The following KCNC1 variants were observed in gnomAD, a reference collection of about 807,000 sequenced individuals.
KCNC1 encodes the protein potassium voltage-gated channel subfamily C member 1.
A neutral mutation model predicts 43.4 loss-of-function variants in KCNC1; 8 were observed. That is an observed-to-expected ratio of 0.18 (90% CI 0.11 to 0.33). The LOEUF (loss-of-function observed/expected upper bound fraction) is 0.33. Among genes scored for constraint, KCNC1 ranks in the 10% least tolerant of loss-of-function variants. KCNC1 has a pLI of 1.00. For missense variants in KCNC1, 420 were observed against 836.0 expected, an observed-to-expected ratio of 0.50 and a Z score of 6.14; for synonymous variants, 361 against 360.5, an observed-to-expected ratio of 1.00 and a Z score of -0.01.
In KCNC1 at chr11:17,777,129, G is replaced by T; in HGVS notation, c.1505-2327G>T. 1 of 984,432 alleles carries T rather than the reference G, an allele frequency of 1.0e-6. No homozygotes were observed. The highest frequency in any genetic ancestry group is 1.2e-6 in the Non-Finnish European group (1 of 829,606). 61.0% of individuals were successfully genotyped at this position (984,432 alleles called of 1,614,324 possible). A position where few individuals can be genotyped will look rare whatever the true frequency, so the allele number is the denominator to read the frequency against. On this transcript the variant is annotated intron_variant, in intron 2 of 3. Transcript: ENST00000265969. This position sits in a 1 kb window ranked among gnomAD's most constrained non-coding sequence, Gnocchi z 4.3. ...TTTGGGCCCTTTAGTGATTGTGAGA[G>T]CTGGGAGCCCCCAGGGCCTGGGGGC... is the stretch of plus-strand genomic sequence containing the variant.
Position 17,735,386 on chromosome 11 carries a change from C to G in KCNC1, c.-617C>G, listed in dbSNP as rs1040723175. The G allele has an allele frequency of 6.6e-6, 1 of 152,006 alleles. No homozygotes were observed. Among genetic ancestry groups the G allele is most frequent in the Non-Finnish European group, 1.5e-5 (1 of 67,958 alleles). 9.4% of individuals were successfully genotyped at this position (152,006 alleles called of 1,614,324 possible). On this transcript the variant is annotated 5_prime_UTR_variant, in exon 1 of 4. Transcript: ENST00000265969. The surrounding 1 kb of genome is among the most constrained non-coding windows in gnomAD (Gnocchi z 6.7). ...CCGCCCTGCGTCCCGAGCTGCAGCC[C>G]GGCCACGCAGGGAGGAAGGCAGGCG...
At chr11:17,763,365 T>C (rs1002369875) in intron 1 of KCNC1, among the ~76,000 whole-genome samples, 2 of 151,780 alleles carry the variant, frequency 1.3e-5, no homozygotes, top group Admixed American at 6.5e-5. Context: ...ATCTCTGGCA[T>C]AGAAAATGGT....
intron 1 of KCNC1, among the ~76,000 whole-genome samples, chr11:17,760,057 T>A (rs1178288134): frequency 6.6e-6 from 1 of 152,218 alleles, no homozygotes; most frequent in Non-Finnish European, 1.5e-5. Context: ...ACGTATTTCT[T>A]ATTCCAATCT....
In KCNC1 at chr11:17,776,873, G is replaced by A. The variant is rs1012195155; in HGVS notation, c.1505-2583G>A. ...AGGGAGAATGCCCCAGTTTCTGAAA[G>A]CATCTTAAACCATAGATAGACGAAC... is the stretch of plus-strand genomic sequence containing the variant. On this transcript the variant is annotated intron_variant, in intron 2 of 3. Transcript: ENST00000265969. This position sits in a 1 kb window ranked among gnomAD's most constrained non-coding sequence, Gnocchi z 4.4. 3.5e-5 allele frequency: 34 copies of A among 985,378 alleles called. No individual in the cohort carries two copies. The African/African-American group carries it at 4.7e-4, about 14-fold the overall frequency. The allele number at this position is 985,378 out of a possible 1,614,324, so 61.0% of individuals were successfully genotyped here.
Position 17,772,276 on chromosome 11 carries a change from C to A in KCNC1, c.1182C>A (p.Ala394=). ...ACATCCCCATCGGCTTCTGGTGGGCCGTGGTCACCATGACGACCCTGGGCT... is the reference window on the plus strand; with the variant it reads ...ACATCCCCATCGGCTTCTGGTGGGCAGTGGTCACCATGACGACCCTGGGCT... ...FKNIPIGFWW[A]VVTMTTLGYG... Residue 394 remains alanine, a synonymous_variant, in exon 2 of 4, where the codon GCC becomes GCA. Transcript: ENST00000265969. The A allele has an allele frequency of 6.2e-7, 1 of 1,614,162 alleles. No individual in the cohort carries two copies. Among genetic ancestry groups the A allele is most frequent in the Non-Finnish European group, 8.5e-7 (1 of 1,180,040 alleles).
intron 2 of KCNC1, chr11:17,775,445 G>T (rs12421233): frequency 1.4e-4 from 134 of 985,618 alleles, no homozygotes; most frequent in Non-Finnish European, 1.5e-4. Flanking sequence ...CTGAGGGCTT[G>T]TCCTGGGAGG....
At position 17,773,204 on chromosome 11, in the gene KCNC1, C is replaced by T. The variant is rs986860657; in HGVS notation, c.1504+606C>T. 14 of 986,246 alleles carry T rather than the reference C, an allele frequency of 1.4e-5. No individual in the cohort carries two copies. In the South Asian group the frequency reaches 1.9e-4, roughly 13 times the overall value. The allele number at this position is 986,246 out of a possible 1,614,324, so 61.1% of individuals were successfully genotyped here. A position where few individuals can be genotyped will look rare whatever the true frequency, so the allele number is the denominator to read the frequency against. ...CCAGCTCGAGGTCCTTCCCAGGAGA[C>T]GCCTGTAGCCCTCCGTGACAAGCTT... On this transcript the variant is annotated intron_variant, in intron 2 of 3. Coordinates refer to ENST00000265969, the MANE Select transcript of KCNC1 (RefSeq NM_001112741.2). The surrounding 1 kb of genome is among the most constrained non-coding windows in gnomAD (Gnocchi z 4.1).
chr11:17,770,214 C>T (rs976296978), intron 1 of KCNC1, among the ~76,000 whole-genome samples: 9 of 152,234 alleles, frequency 5.9e-5, no homozygotes, highest in African/African-American at 9.6e-5. Flanking sequence ...ACACAGGGCG[C>T]GACCTTGGCC....
At position 17,776,643 on chromosome 11, in the gene KCNC1, G is replaced by T; in HGVS notation, c.1505-2813G>T. On this transcript the variant is annotated intron_variant, in intron 2 of 3. Transcript: ENST00000265969. This position sits in a 1 kb window ranked among gnomAD's most constrained non-coding sequence, Gnocchi z 4.4. ...ACTGCAGGCCTGTGGGTCTAGTGGG[G>T]GCCTGGGGGCCCTGGGCTGGGGGAG... is the stretch of plus-strand genomic sequence containing the variant. The T allele has an allele frequency of 1.0e-6, 1 of 985,376 alleles. No homozygotes were observed. The highest frequency in any genetic ancestry group is 1.2e-6 in the Non-Finnish European group (1 of 829,958). The allele number at this position is 985,376 out of a possible 1,614,324, so 61.0% of individuals were successfully genotyped here.
At chr11:17,748,425 A>G (rs774199519) in intron 1 of KCNC1, among the ~76,000 whole-genome samples, 6 of 152,052 alleles carry the variant, frequency 3.9e-5, no homozygotes, top group African/African-American at 7.2e-5. Flanking sequence ...AGATGGAGGA[A>G]TGTACTCTGG....
chr11:17,748,674 C>T (rs2133785947), intron 1 of KCNC1, among the ~76,000 whole-genome samples: 1 of 152,268 alleles, frequency 6.6e-6, no homozygotes, highest in East Asian at 1.9e-4. Context: ...CCCAGAACCC[C>T]ACTGGCTCCT....
intron 1 of KCNC1, among the ~76,000 whole-genome samples, chr11:17,757,117 T>C (rs150922026): frequency 1.4e-4 from 21 of 152,372 alleles, no homozygotes; most frequent in Non-Finnish European, 2.4e-4. Flanking sequence ...CTATTATTAC[T>C]GTATAGCAGA....
chr11:17,759,764 C>T (rs567513124), intron 1 of KCNC1, among the ~76,000 whole-genome samples: 115 of 152,206 alleles, frequency 7.6e-4, no homozygotes, highest in African/African-American at 2.7e-3. Flanking sequence ...TTCCCCAAAA[C>T]AATTACAATA....
rs1484768202 is a variant in KCNC1, at chr11:17,776,196, T to G, written c.1505-3260T>G. The stretch of plus-strand genomic sequence containing the variant: ...GTGTTGTTCACATTTTCTCTCTTTC[T>G]CTCTCTCTCCACTAATCATGTTTCT... On this transcript the variant is annotated intron_variant, in intron 2 of 3. Transcript: ENST00000265969. The surrounding 1 kb of genome is among the most constrained non-coding windows in gnomAD (Gnocchi z 4.4). The G allele has an allele frequency of 1.0e-6, 1 of 985,300 alleles. No homozygotes were observed. The highest frequency in any genetic ancestry group is 1.2e-6 in the Non-Finnish European group (1 of 829,928). 61.0% of individuals were successfully genotyped at this position (985,300 alleles called of 1,614,324 possible).
rs1201851058 is a variant in KCNC1 at position 17,773,246 on chromosome 11, G to GACAAGTTA, written c.1504+648_1504+649insACAAGTTA. On this transcript the variant is annotated intron_variant, in intron 2 of 3. Transcript: ENST00000265969. This position sits in a 1 kb window ranked among gnomAD's most constrained non-coding sequence, Gnocchi z 4.1. Reference sequence around the variant, plus strand: ...GACAAGCTTACTTACCCCATAGCATGCTGAACCAACTCATCTTCTACCACC... The same window carrying GACAAGTTA: ...GACAAGCTTACTTACCCCATAGCATGACAAGTTACTGAACCAACTCATCTTCTACCACC... 8.1e-6 allele frequency: 8 copies of GACAAGTTA among 985,706 alleles called. No homozygotes were observed. The highest frequency in any genetic ancestry group is 9.6e-6 in the Non-Finnish European group (8 of 830,168). The allele number at this position is 985,706 out of a possible 1,614,324, so 61.1% of individuals were successfully genotyped here.
chr11:17,746,376 A>G (rs2133783926), intron 1 of KCNC1, among the ~76,000 whole-genome samples: 1 of 152,264 alleles, frequency 6.6e-6, no homozygotes, highest in Middle Eastern at 3.4e-3. Flanking sequence ...CACAGCTTTG[A>G]GGCCACGAAA....
At chr11:17,775,226 C>T in intron 2 of KCNC1, 1 of 985,656 alleles carries the variant, frequency 1.0e-6, no homozygotes, top group Admixed American at 6.1e-5. Flanking sequence ...TTCTCCAATT[C>T]CACTTTTAAA....
chr11:17,781,766 A>G lies in KCNC1; in HGVS notation c.*32A>G. 6.7e-7 allele frequency: 1 copy of G among 1,489,242 alleles called. No homozygotes were observed. Among genetic ancestry groups the G allele is most frequent in the Non-Finnish European group, 9.2e-7 (1 of 1,089,954 alleles). The allele number at this position is 1,489,242 out of a possible 1,614,324, so 92.3% of individuals were successfully genotyped here. A position where few individuals can be genotyped will look rare whatever the true frequency, so the allele number is the denominator to read the frequency against. Reference sequence around the variant, plus strand: ...GGCTTGGCCGAGGACACTGGTGGCTATTAAGCATCTGGGTGGACCTGCAGC... The same window carrying G: ...GGCTTGGCCGAGGACACTGGTGGCTGTTAAGCATCTGGGTGGACCTGCAGC... On this transcript the variant is annotated 3_prime_UTR_variant, in exon 4 of 4. Coordinates refer to ENST00000265969, the MANE Select transcript of KCNC1 (RefSeq NM_001112741.2). The surrounding 1 kb of genome is among the most constrained non-coding windows in gnomAD (Gnocchi z 5.1).
At chr11:17,769,461 T>A (rs1445533487) in intron 1 of KCNC1, among the ~76,000 whole-genome samples, 5 of 151,012 alleles carry the variant, frequency 3.3e-5, no homozygotes, top group African/African-American at 4.9e-5. Context: ...AGTGGATGGA[T>A]GGGTGTATGA....
Sources: gnomAD v4.1 joint callset for allele counts (sites outside exome capture counted in the v4.1 genomes callset) on GRCh38, gnomAD v4.1.1 for gene constraint, Gnocchi (gnomAD v3.1) non-coding constraint, MANE v1.5 for transcripts, NCBI Gene and HGNC (gene_info 2026-07-23, HGNC 2026-07-21) for gene names.